Variants in NLRP7 observed in about 807,000 individuals in gnomAD.
The protein encoded by NLRP7 is NACHT, LRR and PYD domains-containing protein 7.
Under a neutral mutation model 85.5 loss-of-function variants are expected in NLRP7, and 72 were observed. The ratio of observed to expected loss-of-function variants is 0.84; its 90% confidence interval spans 0.70 to 1.02. The LOEUF (loss-of-function observed/expected upper bound fraction) is 1.02, where lower values mean the gene tolerates loss of function less well. NLRP7 is among the 50% of genes least tolerant of loss of function. The probability of loss-of-function intolerance (pLI) is 0.00; values close to 1 mark genes in which losing one functional copy is unlikely to be tolerated. For missense variants in NLRP7, 1,243 were observed against 1,219.5 expected, an observed-to-expected ratio of 1.02 and a Z score of -0.29; for synonymous variants, 550 against 505.2, an observed-to-expected ratio of 1.09 and a Z score of -1.19.
chr19:54,959,066 C>T (rs1000576678), intron 1 of NLRP7, among the ~76,000 whole-genome samples: 1 of 151,712 alleles, frequency 6.6e-6, no homozygotes, highest in Non-Finnish European at 1.5e-5. Context: ...GGCCTGGTTT[C>T]GGGTCTGGTT....
At chr19:54,941,093 G>GCCACCATGCC in intron 2 of NLRP7, 88 bp from the exon 3 acceptor site, 5 of 992,284 alleles carry the variant, frequency 5.0e-6, no homozygotes, top group Non-Finnish European at 4.8e-6. Flanking sequence ...GCCAGGCATG[G>GCCACCATGCC]TGGCTCATGC....
upstream of NLRP7, chr19:54,947,518 C>A (rs554545469): frequency 7.8e-7 from 1 of 1,289,480 alleles, no homozygotes; most frequent in Non-Finnish European, 1.0e-6. Flanking sequence ...GCAAAGGAAA[C>A]GGATAAAAAG....
chr19:54,945,115 C>T (rs1329775532), intron 1 of NLRP7, among the ~76,000 whole-genome samples: 3 of 150,924 alleles, frequency 2.0e-5, no homozygotes, highest in Non-Finnish European at 4.4e-5. Context: ...TGGTGGCGGG[C>T]GCCTGTAGTC....
intron 1 of NLRP7, among the ~76,000 whole-genome samples, chr19:54,959,007 T>C (rs1233909165): frequency 6.6e-6 from 1 of 152,176 alleles, no homozygotes; most frequent in Non-Finnish European, 1.5e-5. Flanking sequence ...CATCGGGTTC[T>C]AAGTCATGAG....
At chr19:54,942,653 T>G (rs74940758) in intron 1 of NLRP7, among the ~76,000 whole-genome samples, 2,780 of 151,864 alleles carry the variant, frequency 0.018, 94 homozygotes, top group African/African-American at 0.063. Context: ...GAGGTGGAGG[T>G]TGCATGATCT....
At chr19:54,959,597 G>A (rs1470969125) in intron 1 of NLRP7, among the ~76,000 whole-genome samples, 1 of 151,744 alleles carries the variant, frequency 6.6e-6, no homozygotes, top group Non-Finnish European at 1.5e-5. Context: ...AGGATCCCTT[G>A]AGCCCAGGAG....
chr19:54,940,063 G>A lies in NLRP7; in HGVS notation c.756C>T (p.Val252=), dbSNP rs1410151412. 5 of 1,614,020 alleles carry A rather than the reference G, an allele frequency of 3.1e-6. No homozygotes were observed. In the South Asian group the frequency reaches 5.5e-5, roughly 18 times the overall value. ...GGACTTTCAGCTCATCAAGGCCATCGACCACGAACAGGATTCTCTGTGCTT... is the reference window on the plus strand; with the variant it reads ...GGACTTTCAGCTCATCAAGGCCATCAACCACGAACAGGATTCTCTGTGCTT... Residue 252 remains valine, a synonymous_variant, in exon 4 of 10, where the codon GTC becomes GTT. Coordinates refer to ENST00000340844, the Ensembl canonical transcript of NLRP7.
chr19:54,946,125 T>G (rs1184695579), intron 1 of NLRP7, among the ~76,000 whole-genome samples: 1 of 151,182 alleles, frequency 6.6e-6, no homozygotes, highest in Non-Finnish European at 1.5e-5. Context: ...CAGGCTGGCC[T>G]CGAACTCCTG....
intron 1 of NLRP7, among the ~76,000 whole-genome samples, chr19:54,946,449 G>A (rs1401857810): frequency 6.9e-6 from 1 of 144,564 alleles, no homozygotes; most frequent in African/African-American, 2.6e-5. Context: ...GGCCTCAGGT[G>A]ATCTGAAAGT....
At chr19:54,947,722 G>C, upstream of NLRP7, 3 of 1,108,110 alleles carry the variant, frequency 2.7e-6, no homozygotes, top group Non-Finnish European at 3.6e-6. Context: ...ACGGCTTGCT[G>C]AATCTCCCCA....
exon 6 of NLRP7, chr19:54,936,359 C>T (rs141917868): frequency 5.6e-6 from 9 of 1,613,880 alleles, no homozygotes; most frequent in East Asian, 2.2e-5. Flanking sequence ...GGGTCAGGTG[C>T]GTGAGGGTCT....
At chr19:54,955,449 G>C (rs920260639) in intron 1 of NLRP7, among the ~76,000 whole-genome samples, 3 of 152,328 alleles carry the variant, frequency 2.0e-5, no homozygotes, top group African/African-American at 7.2e-5. Context: ...TAGGTGGATT[G>C]CTTGAGTTCA....
At chr19:54,963,692 C>A (rs2070153686) in intron 1 of NLRP7, among the ~76,000 whole-genome samples, 3 of 151,598 alleles carry the variant, frequency 2.0e-5, no homozygotes, top group Admixed American at 1.3e-4. Context: ...GGTACAGTGG[C>A]ACGCGCCTGT....
chr19:54,936,278 G>C, exon 6 of NLRP7: 1 of 1,613,446 alleles, frequency 6.2e-7, no homozygotes, highest in South Asian at 1.1e-5. Context: ...ACTGCAGGTT[G>C]CATTTATGAT....
chr19:54,943,558 G>A (rs1217673251), intron 1 of NLRP7, among the ~76,000 whole-genome samples: 2 of 134,754 alleles, frequency 1.5e-5, no homozygotes, highest in Non-Finnish European at 3.2e-5. Context: ...CGGAGATCGC[G>A]CCACCGCACT....
Position 54,934,614 on chromosome 19 carries a change from G to C in NLRP7, c.2346C>G (p.Phe782Leu), listed in dbSNP as rs374046757. The C allele has an allele frequency of 3.7e-6, 6 of 1,613,914 alleles. No homozygotes were observed. Among genetic ancestry groups the C allele is most frequent in the South Asian group, 1.1e-5 (1 of 91,086 alleles). The change falls in exon 7 of 10, where the codon TTC becomes TTG. Residue 782 changes from phenylalanine to leucine, a missense_variant. By Grantham distance (22) the Phe-to-Leu change is conservative (BLOSUM62 0). Around this residue, in one of 3 missense-constraint regions of NLRP7, gnomAD observed 613 missense variants for 588.4 expected, o/e 1.04. Coordinates refer to ENST00000340844, the Ensembl canonical transcript of NLRP7. This position sits in a 1 kb window ranked among gnomAD's most constrained non-coding sequence, Gnocchi z 6.7. ...GGGACTGGTTGGCTTTGAGGACATA[G>C]AAGAATTCAGCCCACTGCTCCGGGG...
intron 6 of NLRP7, 97 bp downstream of exon 6, chr19:54,936,164 G>T (rs920640513): frequency 9.5e-7 from 1 of 1,049,298 alleles, no homozygotes; most frequent in Admixed American, 1.8e-5. Flanking sequence ...CCCTGTCTGG[G>T]ACGGCATCTG....
chr19:54,947,911 T>C (rs1428772392), upstream of NLRP7: 1 of 270,918 alleles, frequency 3.7e-6, no homozygotes, highest in Non-Finnish European at 7.3e-6. Context: ...GGACAAAAAC[T>C]CCCGTGACTT....
At chr19:54,944,560 C>G (rs1399401834) in intron 1 of NLRP7, among the ~76,000 whole-genome samples, 1 of 152,034 alleles carries the variant, frequency 6.6e-6, no homozygotes, top group East Asian at 1.9e-4. Flanking sequence ...CCTGAGCCCA[C>G]TTTTCTTTCT....
Sources: allele counts gnomAD v4.1 joint callset (sites outside exome capture counted in the v4.1 genomes callset), GRCh38; gene constraint gnomAD v4.1.1; regional missense constraint gnomAD v4.1.1; non-coding constraint Gnocchi (gnomAD v3.1); transcripts MANE v1.5; gene names NCBI Gene and HGNC (gene_info 2026-07-23, HGNC 2026-07-21).